The following SLCO5A1 variants were observed in gnomAD, a reference collection of about 807,000 sequenced individuals.
The protein encoded by SLCO5A1 is organic anion transporter polypeptide-related protein 4.
SLCO5A1 carries 39 observed loss-of-function variants against 65.1 expected under a neutral mutation model. That is an observed-to-expected ratio of 0.60 (90% CI 0.46 to 0.78). The LOEUF is 0.78. Ranked by LOEUF, SLCO5A1 falls within the 30% of genes least tolerant of loss-of-function variation. The pLI, the probability that SLCO5A1 is intolerant of heterozygous loss-of-function variation, is 0.00. For missense variants in SLCO5A1, 1,029 were observed against 1,069.4 expected, an observed-to-expected ratio of 0.96 and a Z score of 0.53; for synonymous variants, 438 against 415.7, an observed-to-expected ratio of 1.05 and a Z score of -0.65.
chr8:69,756,044 T>G (rs915262640), intron 3 of SLCO5A1, among the ~76,000 whole-genome samples: 7 of 152,020 alleles, frequency 4.6e-5, no homozygotes, highest in Non-Finnish European at 8.8e-5. Flanking sequence ...GACTTTTTTT[T>G]GTCATAAGAA....
chr8:69,675,881 A>C (rs1328458122), intron 9 of SLCO5A1, among the ~76,000 whole-genome samples: 1 of 152,248 alleles, frequency 6.6e-6, no homozygotes, highest in Non-Finnish European at 1.5e-5. Flanking sequence ...AAGGAAAAAT[A>C]AGCTTGATGA....
In SLCO5A1 at chr8:69,689,319, C is replaced by T. The variant is rs1239628120; in HGVS notation, c.1623-6976G>A. 1.9e-4 allele frequency among the ~76,000 whole-genome samples: 19 copies of T among 102,148 alleles called. No individual in the cohort carries two copies. In the South Asian group the frequency reaches 8.3e-3, roughly 44 times the overall value. 67.0% of individuals were successfully genotyped at this position (102,148 alleles called of 152,430 possible). A position where few individuals can be genotyped will look rare whatever the true frequency, so the allele number is the denominator to read the frequency against. On this transcript the variant is annotated intron_variant, in intron 6 of 9. Transcript: ENST00000260126. ...TTCACTCTGATGGTAGTTTCTTTTG[C>T]TGTGCAGAAGCTCTTTAGTTTAATT...
At chr8:69,738,485 T>C (rs1750147772) in intron 4 of SLCO5A1, among the ~76,000 whole-genome samples, 1 of 152,138 alleles carries the variant, frequency 6.6e-6, no homozygotes, top group Non-Finnish European at 1.5e-5. Context: ...CAACTGATAG[T>C]TCCTGTTTCA....
intron 5 of SLCO5A1, among the ~76,000 whole-genome samples, chr8:69,714,555 A>T (rs1311149725): frequency 6.6e-6 from 1 of 152,246 alleles, no homozygotes; most frequent in Non-Finnish European, 1.5e-5. Context: ...TAGAGGAGAC[A>T]GAAGTAGACT....
intron 3 of SLCO5A1, among the ~76,000 whole-genome samples, chr8:69,759,999 A>T (rs751699911): frequency 1.2e-4 from 19 of 152,176 alleles, no homozygotes; most frequent in Non-Finnish European, 2.1e-4. Context: ...AAAACAGTTC[A>T]AAAGATGGCA....
rs779831315 is a variant in SLCO5A1 at position 69,678,257 on chromosome 8, C to G, written c.2024+1121G>C. Among the ~76,000 whole-genome samples, 71 of 151,990 alleles carry G rather than the reference C, an allele frequency of 4.7e-4. 1 individual carries two copies. Among genetic ancestry groups the G allele is most frequent in the Non-Finnish European group, 1.8e-4 (12 of 67,974 alleles). On this transcript the variant is annotated intron_variant, in intron 8 of 9. Transcript: ENST00000260126. The stretch of plus-strand genomic sequence containing the variant: ...TTAACAGGATCCATTTAGGATTAAA[C>G]AAGTTTTATTGGGGGTCTGAAAAAA...
chr8:69,817,207 C>T (rs933370168), intron 2 of SLCO5A1, among the ~76,000 whole-genome samples: 2 of 152,122 alleles, frequency 1.3e-5, no homozygotes, highest in African/African-American at 2.4e-5. Context: ...CTTTTTGTTT[C>T]TATGAATTTG....
In SLCO5A1 at chr8:69,671,685, C is replaced by A. The variant is rs1374129527; in HGVS notation, c.*1184G>T. On this transcript the variant is annotated 3_prime_UTR_variant, in exon 10 of 10. Coordinates refer to ENST00000260126, the MANE Select transcript of SLCO5A1 (RefSeq NM_030958.3). ...GGGGGAATCAAAGGGTAGTGTAAAA[C>A]GATTCTATCTCTGATAAAGTAGGGT... 6.6e-6 allele frequency: 1 copy of A among 152,164 alleles called. No homozygotes were observed. Among genetic ancestry groups the A allele is most frequent in the Non-Finnish European group, 1.5e-5 (1 of 68,012 alleles). The allele number at this position is 152,164 out of a possible 1,614,324, so 9.4% of individuals were successfully genotyped here.
chr8:69,806,301 T>C (rs1342499553), intron 2 of SLCO5A1, among the ~76,000 whole-genome samples: 1 of 152,230 alleles, frequency 6.6e-6, no homozygotes, highest in Non-Finnish European at 1.5e-5. Context: ...ATGCAATATA[T>C]AGTTTCCTTG....
intron 2 of SLCO5A1, among the ~76,000 whole-genome samples, chr8:69,783,673 C>T (rs1347194917): frequency 6.6e-6 from 1 of 151,966 alleles, no homozygotes; most frequent in African/African-American, 2.4e-5. Flanking sequence ...CCAAAACACC[C>T]CATTCCCTAA....
intron 6 of SLCO5A1, among the ~76,000 whole-genome samples, chr8:69,695,207 A>G (rs1341089600): frequency 2.0e-5 from 3 of 152,230 alleles, no homozygotes. Context: ...GATTTAAACT[A>G]AAGGTTGCCA....
chr8:69,832,637 C>A lies in SLCO5A1; in HGVS notation c.37G>T (p.Glu13Ter). Residue 13 changes from glutamate to a stop codon, truncating the protein, a stop_gained, in exon 2 of 10, where the codon GAG becomes TAG. Coordinates refer to ENST00000260126, the MANE Select transcript of SLCO5A1 (RefSeq NM_030958.3). LOFTEE classifies it high-confidence loss of function. This position sits in a 1 kb window ranked among gnomAD's most constrained non-coding sequence, Gnocchi z 4.5. ...GCAGTGGCCGGCGCCTCCAGCTGCT[C>A]TCCCGCCCCGGGCTGCAGTCCAGTG... ...EGTGLQPGAG[E>*]QLEAPATAEA... The A allele has an allele frequency of 6.2e-7, 1 of 1,607,934 alleles. No homozygotes were observed. The highest frequency in any genetic ancestry group is 1.7e-5 in the Admixed American group (1 of 59,914).
intron 6 of SLCO5A1, among the ~76,000 whole-genome samples, chr8:69,697,936 G>C (rs143720337): frequency 6.6e-6 from 1 of 151,010 alleles, no homozygotes; most frequent in Non-Finnish European, 1.5e-5. Flanking sequence ...GTGTTAAGCG[G>C]GTTTGGTGGA....
At chr8:69,774,822 T>G (rs1818492963) in intron 2 of SLCO5A1, among the ~76,000 whole-genome samples, 1 of 152,156 alleles carries the variant, frequency 6.6e-6, no homozygotes, top group South Asian at 2.1e-4. Flanking sequence ...ACAGAGGACA[T>G]GAAGAACAAT....
At chr8:69,712,633 A>G (rs1815321678) in intron 5 of SLCO5A1, among the ~76,000 whole-genome samples, 1 of 152,176 alleles carries the variant, frequency 6.6e-6, no homozygotes, top group Admixed American at 6.5e-5. Flanking sequence ...ATGTGCTTTT[A>G]TGGTACCCAG....
At chr8:69,703,077 C>T (rs1485847241) in intron 6 of SLCO5A1, among the ~76,000 whole-genome samples, 2 of 147,888 alleles carry the variant, frequency 1.4e-5, no homozygotes, top group Non-Finnish European at 3.0e-5. Context: ...CACCATTGCA[C>T]TCCAGCCTGG....
At chr8:69,739,964 T>G (rs1052316607) in intron 4 of SLCO5A1, among the ~76,000 whole-genome samples, 4 of 152,198 alleles carry the variant, frequency 2.6e-5, no homozygotes, top group African/African-American at 9.6e-5. Context: ...TAAAATAAAT[T>G]TTTAACATAA....
At chr8:69,757,853 G>A (rs1817596896) in intron 3 of SLCO5A1, among the ~76,000 whole-genome samples, 1 of 152,098 alleles carries the variant, frequency 6.6e-6, no homozygotes, top group Non-Finnish European at 1.5e-5. Context: ...CCAGTCCCCT[G>A]AATCCCTGCA....
At chr8:69,817,414 C>T (rs749105147) in intron 2 of SLCO5A1, among the ~76,000 whole-genome samples, 1 of 152,122 alleles carries the variant, frequency 6.6e-6, no homozygotes, top group Non-Finnish European at 1.5e-5. Flanking sequence ...TTGCTTCCGC[C>T]TCTTGGCTAT....
Sources: allele counts gnomAD v4.1 joint callset (sites outside exome capture counted in the v4.1 genomes callset), GRCh38; gene constraint gnomAD v4.1.1; non-coding constraint Gnocchi (gnomAD v3.1); transcripts MANE v1.5; gene names NCBI Gene and HGNC (gene_info 2026-07-23, HGNC 2026-07-21).